Variants in MSLN observed in about 807,000 individuals in gnomAD.
MSLN encodes CAK1 antigen.
MSLN carries 82 observed loss-of-function variants against 72.6 expected under a neutral mutation model. The ratio of observed to expected loss-of-function variants is 1.13; its 90% CI spans 0.94 to 1.36. The LOEUF (loss-of-function observed/expected upper bound fraction) is 1.36. MSLN is among the 40% of genes most tolerant of loss of function. MSLN has a pLI of 0.00. For missense variants in MSLN, 1,005 were observed against 847.9 expected (o/e 1.19, Z -2.30); for synonymous variants, 456 against 387.3 (o/e 1.18, Z -2.08).
intron 13 of MSLN, 76 bp from the exon 14 acceptor site, chr16:766,592 A>G (rs1294670477): frequency 1.2e-6 from 2 of 1,609,380 alleles, no homozygotes; most frequent in African/African-American, 2.7e-5. Context: ...GGTCAGGGGC[A>G]CGGCCTGAGG....
Position 765,616 on chromosome 16 carries a change from A to G in MSLN, c.794A>G (p.Gln265Arg), listed in dbSNP as rs1275353439. 4 of 1,602,886 alleles carry G rather than the reference A, an allele frequency of 2.5e-6. No individual in the cohort carries two copies. The highest frequency in any genetic ancestry group is 1.7e-5 in the Admixed American group (1 of 59,914). ...CAGCCCATCATCCGCAGCATCCCGC[A>G]GGTGAGACCCCAATCCCCAGCCCGT... ...LGQPIIRSIP[Q>R]GIVAAWRQRS... The change falls in exon 10 of 18, where the codon CAG becomes CGG. Residue 265 changes from glutamine to arginine, a missense_variant and splice_region_variant. By Grantham distance (43) the Gln-to-Arg change is conservative. Transcript: ENST00000545450.
In MSLN at chr16:762,643, G is replaced by T. The variant is rs559488610; in HGVS notation, c.-9-29G>T. On this transcript the variant is annotated intron_variant, in intron 2 of 17. Coordinates refer to ENST00000545450, the MANE Select transcript of MSLN (RefSeq NM_005823.6). Reference sequence around the variant, plus strand: ...CAGAGGCGTGGGGTGGGAGCAGGGGGTCCCATCCTGAGTCACTGCCCTCCA... The same window carrying T: ...CAGAGGCGTGGGGTGGGAGCAGGGGTTCCCATCCTGAGTCACTGCCCTCCA... 8.5e-6 allele frequency: 13 copies of T among 1,536,518 alleles called. No homozygotes were observed. The African/African-American group carries it at 1.1e-4, about 13-fold the overall frequency.
At position 766,338 on chromosome 16, in the gene MSLN, T is replaced by G; in HGVS notation, c.1078T>G (p.Tyr360Asp). 6.2e-7 allele frequency: 1 copy of G among 1,612,652 alleles called. No homozygotes were observed. Among genetic ancestry groups the G allele is most frequent in the Non-Finnish European group, 8.5e-7 (1 of 1,179,872 alleles). The change falls in exon 13 of 18, where the codon TAC (tyrosine) becomes GAC (aspartate). Residue 360 changes from tyrosine (Y) to aspartate (D), a missense_variant. Tyr to Asp is a radical substitution (Grantham distance 160, BLOSUM62 -3). Coordinates refer to ENST00000545450, the MANE Select transcript of MSLN (RefSeq NM_005823.6). ...CTCCTGGTCTCTTGGCCTGCAGCTCTACCCACAAGGTTACCCCGAGTCTGT... is the reference window on the plus strand; with the variant it reads ...CTCCTGGTCTCTTGGCCTGCAGCTCGACCCACAAGGTTACCCCGAGTCTGT... ...DVLKHKLDEL[Y>D]PQGYPESVIQ...
chr16:764,979 G>T lies in MSLN; in HGVS notation c.453G>T (p.Leu151=). ...FSRITKANVD[L]LPRGAPERQR... ...GCATCACGAAGGCCAATGTGGACCTGCTCCCGAGGGGGGCTCCCGAGCGAC... is the reference window on the plus strand; with the variant it reads ...GCATCACGAAGGCCAATGTGGACCTTCTCCCGAGGGGGGCTCCCGAGCGAC... Residue 151 remains leucine, a synonymous_variant, in exon 8 of 18, where the codon CTG becomes CTT. Transcript: ENST00000545450. The T allele has an allele frequency of 6.2e-7, 1 of 1,612,382 alleles. No individual in the cohort carries two copies. The highest frequency in any genetic ancestry group is 8.5e-7 in the Non-Finnish European group (1 of 1,179,744).
Position 768,274 on chromosome 16 carries a change from G to A in MSLN, c.1597-105G>A. The A allele has an allele frequency of 3.4e-6, 4 of 1,186,654 alleles. No homozygotes were observed. In the South Asian group the frequency reaches 5.4e-5, roughly 16 times the overall value. 73.5% of individuals were successfully genotyped at this position (1,186,654 alleles called of 1,614,324 possible). A position where few individuals can be genotyped will look rare whatever the true frequency, so the allele number is the denominator to read the frequency against. ...CTCCGAAGTCTGGAGAGGCTGCGGT[G>A]GGCATCTGTGGGTGGGGCAGTTTGG... On this transcript the variant is annotated intron_variant, in intron 16 of 17. Coordinates refer to ENST00000545450, the MANE Select transcript of MSLN (RefSeq NM_005823.6).
intron 9 of MSLN, 91 bp downstream of exon 9, chr16:765,394 G>A: frequency 1.4e-6 from 2 of 1,431,930 alleles, no homozygotes; most frequent in Non-Finnish European, 1.9e-6. Context: ...CAAGGCCCAG[G>A]GTCAGTCACC....
chr16:763,839 G>T, intron 5 of MSLN, 148 bp downstream of exon 5: 1 of 153,410 alleles, frequency 6.5e-6, no homozygotes, highest in Non-Finnish European at 8.3e-6. Context: ...ACTGCGGGAG[G>T]GACTGACACC....
At chr16:764,590 G>A in intron 6 of MSLN, 57 bp from the exon 7 acceptor site, 1 of 1,454,660 alleles carries the variant, frequency 6.9e-7, no homozygotes, top group Non-Finnish European at 9.6e-7. Context: ...GGCGACCCTG[G>A]CCCACCATGT....
rs758140080 is a variant in MSLN at position 768,711 on chromosome 16, T to G, written c.1847T>G (p.Leu616Arg). 1 of 1,610,788 alleles carries G rather than the reference T, an allele frequency of 6.2e-7. No homozygotes were observed. Among genetic ancestry groups the G allele is most frequent in the Non-Finnish European group, 8.5e-7 (1 of 1,179,458 alleles). The change falls in exon 18 of 18, where the codon CTC (leucine) becomes CGC (arginine). Residue 616 changes from leucine (L) to arginine (R), a missense_variant. Physicochemically the swap from Leu to Arg is moderately radical, Grantham distance 102. Coordinates refer to ENST00000545450, the MANE Select transcript of MSLN (RefSeq NM_005823.6). ...PGPVLTVLAL[L>R]LASTLA is the part of the protein sequence containing the mutation. ...CCTGTTCTCACCGTCCTGGCACTGC[T>G]CCTAGCCTCCACCCTGGCCTGAGGG...
intron 6 of MSLN, among the ~76,000 whole-genome samples, chr16:764,367 G>A (rs1359804455): frequency 2.0e-5 from 3 of 152,230 alleles, no homozygotes; most frequent in Non-Finnish European, 2.9e-5. Flanking sequence ...GACGCTGTGT[G>A]CTGGGCCCCC....
intron 6 of MSLN, 113 bp from the exon 7 acceptor site, chr16:764,533 AT>A (rs1162485719): frequency 1.3e-5 from 12 of 937,614 alleles, no homozygotes; most frequent in Middle Eastern, 4.5e-4. Context: ...ACTTCCACAG[AT>A]TCTCGTGGCC....
chr16:765,670 C>T (rs1043462970), intron 10 of MSLN, 21 bp from the exon 11 acceptor site: 1 of 1,600,138 alleles, frequency 6.2e-7, no homozygotes, highest in Non-Finnish European at 8.5e-7. Context: ...GAGGCTCAGC[C>T]CAGGTCCTGC....
chr16:762,992 G>A (rs1189289599), intron 3 of MSLN, among the ~76,000 whole-genome samples: 6 of 152,328 alleles, frequency 3.9e-5, no homozygotes, highest in African/African-American at 1.2e-4. Context: ...TGGTCTGACC[G>A]GCCAAGCAGC....
At chr16:763,967 G>A (rs1177994883) in intron 5 of MSLN, 56 bp from the exon 6 acceptor site, 4 of 1,586,072 alleles carry the variant, frequency 2.5e-6, no homozygotes, top group Non-Finnish European at 3.4e-6. Flanking sequence ...GGGAGCACTG[G>A]GTGGACATTG....
chr16:761,821 C>T (rs1453253402), intron 2 of MSLN, among the ~76,000 whole-genome samples: 1 of 152,186 alleles, frequency 6.6e-6, no homozygotes, highest in Non-Finnish European at 1.5e-5. Context: ...GCGTGTGACC[C>T]CCATTTCTGA....
At chr16:763,337 T>C in intron 4 of MSLN, 61 bp downstream of exon 4, 1 of 1,357,690 alleles carries the variant, frequency 7.4e-7, no homozygotes, top group Admixed American at 2.3e-5. Flanking sequence ...GGTGCCATGC[T>C]GTGTTCTCTC....
chr16:763,160 C>A (rs1339891468), intron 3 of MSLN, 73 bp from the exon 4 acceptor site: 2 of 1,037,512 alleles, frequency 1.9e-6, no homozygotes, highest in Non-Finnish European at 2.9e-6. Flanking sequence ...GGCTCTGCCT[C>A]CTTCCTCCCC....
At position 765,934 on chromosome 16, in the gene MSLN, C is replaced by T. The variant is rs1390659209; in HGVS notation, c.896-125C>T. 1.1e-5 allele frequency: 14 copies of T among 1,319,854 alleles called. No homozygotes were observed. In the East Asian group the frequency reaches 1.5e-4, roughly 14 times the overall value. The allele number at this position is 1,319,854 out of a possible 1,614,324, so 81.8% of individuals were successfully genotyped here. On this transcript the variant is annotated intron_variant, in intron 11 of 17. Transcript: ENST00000545450. ...AGAGAGTGGACAGAATCCCTGTTTG[C>T]CAGTGGGTAAACTGAGGCACAGGGA...
chr16:762,672 A>G lies in MSLN; in HGVS notation c.-9A>G. ...CATCCTGAGTCACTGCCCTCCACAG[A>G]CACAGACCATGGCCTTGCCAACGGC... On this transcript the variant is annotated splice_region_variant and 5_prime_UTR_variant, in exon 3 of 18. Coordinates refer to ENST00000545450, the MANE Select transcript of MSLN (RefSeq NM_005823.6). The G allele has an allele frequency of 6.2e-7, 1 of 1,611,152 alleles. No individual in the cohort carries two copies. The highest frequency in any genetic ancestry group is 8.5e-7 in the Non-Finnish European group (1 of 1,178,660).
Sources: gnomAD v4.1 joint callset for allele counts (sites outside exome capture counted in the v4.1 genomes callset) on GRCh38, gnomAD v4.1.1 for gene constraint, MANE v1.5 for transcripts, NCBI Gene and HGNC (gene_info 2026-07-23, HGNC 2026-07-21) for gene names.